FANCD2: variants seen among roughly 807,000 people sequenced by gnomAD.
FANCD2 encodes the protein FA complementation group D2, also known as Fanconi anemia group D2 protein.
Under a neutral mutation model 192.3 loss-of-function variants are expected in FANCD2, and 131 were observed. The observed-to-expected ratio is 0.68, with a 90% confidence interval of 0.59 to 0.79. The LOEUF is 0.79. FANCD2 is among the 30% of genes least tolerant of loss of function. The pLI is 0.00. For missense variants in FANCD2, 1,508 were observed against 1,701.6 expected, an observed-to-expected ratio of 0.89 and a Z score of 2.00; for synonymous variants, 524 against 612.5, an observed-to-expected ratio of 0.86 and a Z score of 2.13.
chr3:10,077,566 T>A (rs932072772), intron 29 of FANCD2, among the ~76,000 whole-genome samples: 4 of 99,210 alleles, frequency 4.0e-5, no homozygotes, highest in African/African-American at 1.5e-4. Context: ...AAAAAAAAAT[T>A]TTTTTTTCAC....
intron 26 of FANCD2, among the ~76,000 whole-genome samples, chr3:10,069,820 A>T (rs1203086394): frequency 2.0e-5 from 3 of 150,884 alleles, no homozygotes; most frequent in Non-Finnish European, 4.4e-5. Context: ...TACAACCTCC[A>T]CCTCCCAGCC....
chr3:10,038,324 A>G (rs896233706), intron 7 of FANCD2, among the ~76,000 whole-genome samples: 17 of 152,142 alleles, frequency 1.1e-4, no homozygotes, highest in African/African-American at 3.9e-4. Flanking sequence ...TTTTAGCTAA[A>G]TGTCTCATGC....
At chr3:10,072,038 G>A (rs1445623486) in intron 26 of FANCD2, among the ~76,000 whole-genome samples, 2 of 152,146 alleles carry the variant, frequency 1.3e-5, no homozygotes, top group Non-Finnish European at 2.9e-5. Flanking sequence ...GGGATTACAG[G>A]CATGAGCCAG....
intron 28 of FANCD2, 84 bp from the exon 29 acceptor site, chr3:10,074,446 A>G (rs759308509): frequency 7.1e-4 from 879 of 1,235,494 alleles, no homozygotes; most frequent in Non-Finnish European, 8.9e-4. Flanking sequence ...AAATAAATGC[A>G]TATTTGTACT....
chr3:10,063,714 A>C lies in FANCD2; in HGVS notation c.1828-78A>C, dbSNP rs1379509065. On this transcript the variant is annotated intron_variant, in intron 20 of 43. Coordinates refer to ENST00000675286, the MANE Select transcript of FANCD2 (RefSeq NM_001018115.3). ...GCCAGTAAAATCAGAAAGTGAAAAA[A>C]CAGTCTTGAAAGGGGCGAGTGGAGT... 5 of 1,595,644 alleles carry C rather than the reference A, an allele frequency of 3.1e-6. No individual in the cohort carries two copies. The African/African-American group carries it at 4.0e-5, about 13-fold the overall frequency.
intron 34 of FANCD2, 92 bp from the exon 35 acceptor site, chr3:10,088,357 C>A (rs1372423525): frequency 2.4e-6 from 2 of 849,718 alleles, no homozygotes; most frequent in South Asian, 1.3e-5. Context: ...AACTAATAAT[C>A]CTTTTGATCA....
chr3:10,066,949 T>A (rs1011456734), intron 25 of FANCD2, among the ~76,000 whole-genome samples: 3 of 152,170 alleles, frequency 2.0e-5, no homozygotes, highest in Admixed American at 6.5e-5. Flanking sequence ...GGTCTCAAAC[T>A]CCTGGCCTCA....
At position 10,088,882 on chromosome 3, in the gene FANCD2, T is replaced by C. The variant is rs2125077764; in HGVS notation, c.3615T>C (p.Gly1205=). 1 of 1,614,024 alleles carries C rather than the reference T, an allele frequency of 6.2e-7. No homozygotes were observed. The highest frequency in any genetic ancestry group is 8.5e-7 in the Non-Finnish European group (1 of 1,179,884). The change falls in exon 36 of 44, where the codon GGT becomes GGC. Residue 1205 remains glycine (G), a synonymous_variant. Transcript: ENST00000675286. ...TGAAGGCCATAGAGGAGATTGCTGG[T>C]GTTGGTGTCCCAGAACTGATCAACT... The part of the protein sequence containing the change: ...SILKAIEEIA[G]VGVPELINSP...
intron 20 of FANCD2, among the ~76,000 whole-genome samples, chr3:10,063,298 A>T (rs765828012): frequency 2.0e-5 from 3 of 152,056 alleles, no homozygotes; most frequent in African/African-American, 4.8e-5. Context: ...TTAGCTGGAC[A>T]TGGTGGCAGG....
chr3:10,095,055 T>C, intron 40 of FANCD2, 145 bp from the exon 41 acceptor site: 2 of 708,918 alleles, frequency 2.8e-6, no homozygotes, highest in Non-Finnish European at 2.5e-6. Flanking sequence ...ATTCCTCCTA[T>C]TTGAGAGGCA....
At chr3:10,098,663 T>C in intron 42 of FANCD2, 57 bp from the exon 43 acceptor site, 1 of 1,596,194 alleles carries the variant, frequency 6.3e-7, no homozygotes, top group East Asian at 2.3e-5. Flanking sequence ...CCTTCTCCCC[T>C]ATTACCCTAA....
chr3:10,044,365 C>T (rs1454707879), intron 14 of FANCD2, among the ~76,000 whole-genome samples: 2 of 151,724 alleles, frequency 1.3e-5, no homozygotes, highest in African/African-American at 4.9e-5. Flanking sequence ...GAAATACCTT[C>T]CATCAAAAAG....
chr3:10,054,520 G>A (rs1233870340), intron 18 of FANCD2, among the ~76,000 whole-genome samples: 1 of 99,856 alleles, frequency 1.0e-5, no homozygotes, highest in Non-Finnish European at 1.8e-5. Context: ...GTCTCGCACT[G>A]TCACCCAGGC....
chr3:10,053,365 C>T lies in FANCD2; in HGVS notation c.1656+868C>T, dbSNP rs1319455841. Among the ~76,000 whole-genome samples the T allele has an allele frequency of 1.8e-4, 22 of 120,144 alleles. No homozygotes were observed. In the Admixed American group the frequency reaches 2.4e-3, roughly 13 times the overall value. The allele number at this position is 120,144 out of a possible 152,430, so 78.8% of individuals were successfully genotyped here. A position where few individuals can be genotyped will look rare whatever the true frequency, so the allele number is the denominator to read the frequency against. ...GGCACAGGAAGGGGAACATCACACT[C>T]TGGGGACTTTGTGGGGTGGGGGGAG... On this transcript the variant is annotated intron_variant, in intron 18 of 43. Transcript: ENST00000675286.
chr3:10,051,177 G>A (rs571522238), intron 17 of FANCD2, among the ~76,000 whole-genome samples: 9 of 150,890 alleles, frequency 6.0e-5, no homozygotes, highest in Middle Eastern at 3.4e-3. Context: ...TCAGGAGATC[G>A]AGACCATCCC....
intron 43 of FANCD2, 175 bp downstream of exon 43, chr3:10,098,990 A>G (rs1218327346): frequency 3.7e-6 from 6 of 1,613,728 alleles, no homozygotes; most frequent in Non-Finnish European, 5.1e-6. Context: ...CCCAGAAGAA[A>G]CAACGACACA....
intron 28 of FANCD2, among the ~76,000 whole-genome samples, chr3:10,074,267 C>T (rs1353100401): frequency 6.6e-6 from 1 of 152,056 alleles, no homozygotes; most frequent in Non-Finnish European, 1.5e-5. Flanking sequence ...CTGTACTAGA[C>T]CTAAATGCCT....
At position 10,041,660 on chromosome 3, in the gene FANCD2, ATCCTGGATG is replaced by A. The variant is rs747075480; in HGVS notation, c.738_746del (p.Asp247_Leu249del). The A allele has an allele frequency of 1.2e-6, 2 of 1,613,830 alleles. No homozygotes were observed. The highest frequency in any genetic ancestry group is 2.2e-5 in the South Asian group (2 of 91,072). ...AGAGAATACTTCACTCACTGTCCCA[ATCCTGGATG>A]TCCTTTCAAGCCTCCGACTTGACCC... is the stretch of plus-strand genomic sequence containing the variant. On this transcript the variant is annotated inframe_deletion, in exon 10 of 44. Transcript: ENST00000675286.
chr3:10,062,115 A>C, intron 19 of FANCD2, 36 bp from the exon 20 acceptor site: 1 of 1,499,240 alleles, frequency 6.7e-7, no homozygotes, highest in Non-Finnish European at 9.1e-7. Context: ...AACTTAAAGT[A>C]TAATAATAAT....
Sources: gnomAD v4.1 joint callset for allele counts (sites outside exome capture counted in the v4.1 genomes callset) on GRCh38, gnomAD v4.1.1 for gene constraint, MANE v1.5 for transcripts, NCBI Gene and HGNC (gene_info 2026-07-23, HGNC 2026-07-21) for gene names.